WIPI2: variants seen among roughly 807,000 people sequenced by gnomAD.
WIPI2 encodes the protein WD repeat domain phosphoinositide-interacting protein 2.
In WIPI2, 28 loss-of-function variants were observed where a neutral mutation model predicts 52.3. The ratio of observed to expected loss-of-function variants is 0.54; its 90% CI spans 0.40 to 0.73. The LOEUF (loss-of-function observed/expected upper bound fraction) is 0.73, where lower values mean the gene tolerates loss of function less well. WIPI2 is among the 30% of genes least tolerant of loss of function. The probability of loss-of-function intolerance (pLI) is 0.00; values close to 1 mark genes in which losing one functional copy is unlikely to be tolerated. For synonymous variants in WIPI2, 268 were observed against 245.0 expected (o/e 1.09, Z -0.88); for missense variants, 506 against 602.9 (o/e 0.84, Z 1.68).
At chr7:5,207,835 G>A (rs905442945) in intron 3 of WIPI2, among the ~76,000 whole-genome samples, 10 of 137,380 alleles carry the variant, frequency 7.3e-5, no homozygotes, top group African/African-American at 1.7e-4. Flanking sequence ...GCACAATCTC[G>A]GCTCACTGCA....
Position 5,223,223 on chromosome 7 carries a change from G to T in WIPI2, c.740+551G>T, listed in dbSNP as rs533496137. Reference sequence around the variant, plus strand: ...TCCCTCCCTCGTCGGACAGTAGAGCGGGGGAGGCCTCGGGCTCTGGAGCCC... The same window carrying T: ...TCCCTCCCTCGTCGGACAGTAGAGCTGGGGAGGCCTCGGGCTCTGGAGCCC... On this transcript the variant is annotated intron_variant, in intron 8 of 12. Transcript: ENST00000288828. 2.2e-4 allele frequency among the ~76,000 whole-genome samples: 33 copies of T among 152,286 alleles called. 1 individual carries two copies. In the South Asian group the frequency reaches 5.0e-3, roughly 23 times the overall value.
chr7:5,197,723 T>C (rs1007503782), intron 2 of WIPI2, among the ~76,000 whole-genome samples: 1 of 152,222 alleles, frequency 6.6e-6, no homozygotes, highest in Non-Finnish European at 1.5e-5. Context: ...CACATGATCA[T>C]TAAAATAGCC....
At position 5,227,684 on chromosome 7, in the gene WIPI2, G is replaced by C. The variant is rs1450025033; in HGVS notation, c.1013+340G>C. Among the ~76,000 whole-genome samples, 1 of 152,218 alleles carries C rather than the reference G, an allele frequency of 6.6e-6. No individual in the cohort carries two copies. The highest frequency in any genetic ancestry group is 1.5e-5 in the Non-Finnish European group (1 of 68,036). ...TCTCAGGCATCCGTCCGGCTCCAGG[G>C]TCTGGCCTCAGAACACACACAGGGC... On this transcript the variant is annotated intron_variant, in intron 10 of 12. Transcript: ENST00000288828. This position sits in a 1 kb window ranked among gnomAD's most constrained non-coding sequence, Gnocchi z 8.1.
At chr7:5,195,235 C>A (rs1476994888) in intron 2 of WIPI2, among the ~76,000 whole-genome samples, 1 of 152,228 alleles carries the variant, frequency 6.6e-6, no homozygotes, top group Non-Finnish European at 1.5e-5. Context: ...GCCTGTAATC[C>A]TGGCACTATG....
At chr7:5,217,889 G>T (rs746871960) in intron 6 of WIPI2, 33 bp from the exon 7 acceptor site, 1 of 1,610,172 alleles carries the variant, frequency 6.2e-7, no homozygotes, top group South Asian at 1.1e-5. Flanking sequence ...GTCACTGTGC[G>T]GTGGCCACTC....
intron 3 of WIPI2, among the ~76,000 whole-genome samples, chr7:5,205,203 T>C (rs1243355198): frequency 6.6e-6 from 1 of 152,254 alleles, no homozygotes; most frequent in Admixed American, 6.5e-5. Flanking sequence ...CTGGAACTCC[T>C]GACCTCAGGT....
At chr7:5,228,306 G>A in intron 11 of WIPI2, 95 bp downstream of exon 11, 3 of 1,169,676 alleles carry the variant, frequency 2.6e-6, no homozygotes, top group East Asian at 2.6e-5. Context: ...TTGCAAACCA[G>A]TGACATAGAG....
Position 5,227,845 on chromosome 7 carries a change from C to G in WIPI2, c.1014-259C>G, listed in dbSNP as rs1003478998. ...CTAGCATCCTGGAAAACTTCTCTGA[C>G]GATGACTACCTATAATAATCCCAGA... On this transcript the variant is annotated intron_variant, in intron 10 of 12. Transcript: ENST00000288828. This position sits in a 1 kb window ranked among gnomAD's most constrained non-coding sequence, Gnocchi z 8.1. Among the ~76,000 whole-genome samples the G allele has an allele frequency of 3.9e-5, 6 of 152,176 alleles. No individual in the cohort carries two copies. Among genetic ancestry groups the G allele is most frequent in the Non-Finnish European group, 8.8e-5 (6 of 68,044 alleles).
intron 8 of WIPI2, 116 bp downstream of exon 8, chr7:5,222,788 GC>G: frequency 9.9e-7 from 1 of 1,013,614 alleles, no homozygotes; most frequent in South Asian, 1.4e-5. Context: ...AGCATTTCTA[GC>G]CCGGCTGGGT....
Position 5,231,806 on chromosome 7 carries a change from A to T in WIPI2, c.*859A>T, listed in dbSNP as rs1003817184. ...TCCTCCCATGCCCAGGAAAGCACAG[A>T]ACTCAAGTGTGGTGGCCGTCTGAGC... On this transcript the variant is annotated 3_prime_UTR_variant, in exon 13 of 13. Coordinates refer to ENST00000288828, the MANE Select transcript of WIPI2 (RefSeq NM_015610.4). 5.2e-6 allele frequency: 1 copy of T among 191,378 alleles called. No homozygotes were observed. Among genetic ancestry groups the T allele is most frequent in the African/African-American group, 2.3e-5 (1 of 43,008 alleles). 11.9% of individuals were successfully genotyped at this position (191,378 alleles called of 1,614,324 possible).
At chr7:5,223,172 T>C (rs1783235505) in intron 8 of WIPI2, among the ~76,000 whole-genome samples, 2 of 152,220 alleles carry the variant, frequency 1.3e-5, no homozygotes, top group Non-Finnish European at 2.9e-5. Flanking sequence ...ATGCCTCCTG[T>C]GGCGCCTGCT....
At chr7:5,195,269 T>C (rs1436445985) in intron 2 of WIPI2, among the ~76,000 whole-genome samples, 1 of 152,124 alleles carries the variant, frequency 6.6e-6, no homozygotes, top group Admixed American at 6.5e-5. Flanking sequence ...GGAGGATCCC[T>C]TGAGTTCAGG....
intron 2 of WIPI2, among the ~76,000 whole-genome samples, chr7:5,197,424 A>G (rs1326652105): frequency 5.3e-5 from 8 of 152,146 alleles, no homozygotes; most frequent in African/African-American, 9.7e-5. Flanking sequence ...ATATTACTCT[A>G]TTCTTCTTGG....
At chr7:5,215,140 G>A (rs1440024744) in intron 4 of WIPI2, among the ~76,000 whole-genome samples, 6 of 152,240 alleles carry the variant, frequency 3.9e-5, no homozygotes, top group East Asian at 3.9e-4. Flanking sequence ...ATGAAACCCC[G>A]TCTCTACTAA....
chr7:5,193,294 A>T (rs935829472), intron 2 of WIPI2, 123 bp downstream of exon 2: 66 of 1,525,374 alleles, frequency 4.3e-5, no homozygotes, highest in Non-Finnish European at 5.8e-5. Flanking sequence ...TGAATCTGAA[A>T]TGGAAATATC....
At chr7:5,200,654 C>T (rs547705893) in intron 3 of WIPI2, among the ~76,000 whole-genome samples, 1 of 152,084 alleles carries the variant, frequency 6.6e-6, no homozygotes, top group East Asian at 1.9e-4. Flanking sequence ...CCCCCAGGTT[C>T]CAGCGATTCT....
intron 10 of WIPI2, 78 bp from the exon 11 acceptor site, chr7:5,228,026 C>T: frequency 7.0e-7 from 1 of 1,427,040 alleles, no homozygotes; most frequent in Non-Finnish European, 9.8e-7. Flanking sequence ...TCCTCGCCTG[C>T]CAAAAGTGAG....
intron 8 of WIPI2, among the ~76,000 whole-genome samples, chr7:5,225,272 C>G (rs1783370543): frequency 6.6e-6 from 1 of 152,058 alleles, no homozygotes; most frequent in East Asian, 1.9e-4. Flanking sequence ...TCCCGAGTAG[C>G]TGGGACTACA....
At chr7:5,220,002 ATTG>A (rs71794904) in intron 7 of WIPI2, among the ~76,000 whole-genome samples, 13,006 of 151,680 alleles carry the variant, frequency 0.086, 725 homozygotes, top group Middle Eastern at 0.13. Flanking sequence ...CGCCCGGCTA[ATTG>A]TTGTACTTTT....
Sources: gnomAD v4.1 joint callset for allele counts (sites outside exome capture counted in the v4.1 genomes callset) on GRCh38, gnomAD v4.1.1 for gene constraint, Gnocchi (gnomAD v3.1) non-coding constraint, MANE v1.5 for transcripts, NCBI Gene and HGNC (gene_info 2026-07-23, HGNC 2026-07-21) for gene names.